Variants in LYSET observed in about 807,000 individuals in gnomAD.
LYSET encodes lysosomal enzyme trafficking factor.
the LYSET span, chr14:93,186,723 A>G: frequency 2.6e-6 from 4 of 1,521,076 alleles, no homozygotes; most frequent in Non-Finnish European, 3.5e-6. Context: ...TCCTATATGG[A>G]GTCTGATCAC....
the LYSET span, chr14:93,185,269 C>CG: frequency 1.4e-6 from 1 of 715,134 alleles, no homozygotes; most frequent in Non-Finnish European, 2.2e-6. Context: ...GCGGCGGCGA[C>CG]GGGGGCCGGG....
chr14:93,185,270 G>T, the LYSET span: 1 of 722,380 alleles, frequency 1.4e-6, no homozygotes, highest in East Asian at 3.1e-5. Flanking sequence ...CGGCGGCGAC[G>T]GGGGCCGGGC....
At chr14:93,186,336 G>A in the LYSET span, 17 of 1,614,214 alleles carry the variant, frequency 1.1e-5, no homozygotes, top group East Asian at 3.6e-4. Context: ...GTTAGCCAGT[G>A]CAGCAGCATT....
the LYSET span, among the ~76,000 whole-genome samples, chr14:93,187,740 T>G: frequency 6.6e-6 from 1 of 151,288 alleles, no homozygotes; most frequent in Admixed American, 6.6e-5. Flanking sequence ...CCTCCACCTC[T>G]CGGGTTTAAG....
chr14:93,186,850 G>A, the LYSET span: 1 of 585,708 alleles, frequency 1.7e-6, no homozygotes. Flanking sequence ...GGTAAAACCT[G>A]AGATAGAGTA....
chr14:93,185,368 T>G, the LYSET span: 51 of 1,603,604 alleles, frequency 3.2e-5, no homozygotes, highest in Middle Eastern at 1.8e-4. Context: ...CCTAGCCGGG[T>G]GACCCAGGGG....
At chr14:93,185,555 C>G in the LYSET span, 21 of 1,300,854 alleles carry the variant, frequency 1.6e-5, no homozygotes, top group Non-Finnish European at 2.3e-5. Flanking sequence ...ACGTCTGAAG[C>G]AGTACTGTTA....
chr14:93,185,244 C>G, the LYSET span: 1 of 505,438 alleles, frequency 2.0e-6, no homozygotes, highest in Non-Finnish European at 3.3e-6. Context: ...GTCAGGTTCT[C>G]AGAGCGGGTC....
chr14:93,185,324 G>C, the LYSET span: 2 of 1,380,856 alleles, frequency 1.4e-6, no homozygotes, highest in East Asian at 2.3e-5. Flanking sequence ...ATCACTAGTA[G>C]CTGGTGCTCC....
chr14:93,185,572 A>G, the LYSET span: 74 of 1,125,620 alleles, frequency 6.6e-5, no homozygotes, highest in Middle Eastern at 1.0e-3. Flanking sequence ...GTTATGCCAG[A>G]AAGTGTTTCA....
At chr14:93,185,315 T>C in the LYSET span, 2 of 1,254,756 alleles carry the variant, frequency 1.6e-6, no homozygotes, top group Admixed American at 1.9e-5. Context: ...CCGTTCTTAA[T>C]CACTAGTAGC....
the LYSET span, chr14:93,185,565 AT>A: frequency 8.3e-7 from 1 of 1,204,062 alleles, no homozygotes; most frequent in African/African-American, 1.5e-5. Context: ...CAGTACTGTT[AT>A]GCCAGAAAGT....
chr14:93,185,359 C>T, the LYSET span: 64 of 1,593,618 alleles, frequency 4.0e-5, no homozygotes, highest in Non-Finnish European at 5.4e-5. Context: ...CACCTTTCTC[C>T]TAGCCGGGTG....
the LYSET span, chr14:93,185,583 C>T: frequency 2.0e-6 from 2 of 1,022,276 alleles, no homozygotes; most frequent in Non-Finnish European, 1.5e-6. Flanking sequence ...AAGTGTTTCA[C>T]CTGTCAAAGT....
the LYSET span, chr14:93,186,683 G>A: frequency 2.5e-6 from 4 of 1,573,444 alleles, no homozygotes; most frequent in Non-Finnish European, 3.4e-6. Context: ...ATCAGTCACC[G>A]TTTTTTCCCT....
At chr14:93,188,330 TC>T in the LYSET span, among the ~76,000 whole-genome samples, 1 of 152,312 alleles carries the variant, frequency 6.6e-6, no homozygotes, top group South Asian at 2.1e-4. Context: ...TCATAATCTT[TC>T]TGATTTTCTT....
the LYSET span, chr14:93,186,159 G>A: frequency 1.6e-6 from 2 of 1,242,062 alleles, no homozygotes; most frequent in Non-Finnish European, 2.2e-6. Flanking sequence ...GCGAGCCACC[G>A]CGCCCGGCCT....
chr14:93,187,021 G>A, the LYSET span: 1 of 230,956 alleles, frequency 4.3e-6, no homozygotes. Flanking sequence ...AAATGAATAT[G>A]AACATTTCCA....
At chr14:93,186,635 T>TAG in the LYSET span, 18 of 1,613,202 alleles carry the variant, frequency 1.1e-5, no homozygotes, top group Non-Finnish European at 1.4e-5. Flanking sequence ...TCAAGGCTTC[T>TAG]AATCAGATCA....
Sources: allele counts gnomAD v4.1 joint callset (sites outside exome capture counted in the v4.1 genomes callset), GRCh38; gene constraint gnomAD v4.1.1; transcripts MANE v1.5; gene names NCBI Gene and HGNC (gene_info 2026-07-23, HGNC 2026-07-21).